Variants in ATP9A observed in about 807,000 individuals in gnomAD.
ATP9A encodes the protein ATPase phospholipid transporting 9A.
A neutral mutation model predicts 144.1 loss-of-function variants in ATP9A; 52 were observed. The observed-to-expected ratio is 0.36, with a 90% CI of 0.29 to 0.45. The LOEUF is 0.45. Among genes scored for constraint, ATP9A ranks in the 20% least tolerant of loss-of-function variants. ATP9A has a pLI of 1.00. For missense variants in ATP9A, 947 were observed against 1,392.7 expected (o/e 0.68, Z 5.09); for synonymous variants, 582 against 557.4 (o/e 1.04, Z -0.62).
At chr20:51,721,499 T>C (rs1288713037) in intron 3 of ATP9A, among the ~76,000 whole-genome samples, 3 of 151,998 alleles carry the variant, frequency 2.0e-5, no homozygotes, top group Non-Finnish European at 4.4e-5. Flanking sequence ...CTTCACAGAA[T>C]TAGAAAAAAC....
At chr20:51,647,686 C>T (rs2077347458) in intron 14 of ATP9A, among the ~76,000 whole-genome samples, 1 of 152,026 alleles carries the variant, frequency 6.6e-6, no homozygotes. Flanking sequence ...GCCAAGATTG[C>T]ACCTTTGCAC....
intron 17 of ATP9A, among the ~76,000 whole-genome samples, chr20:51,626,319 T>C (rs1357494370): frequency 1.3e-5 from 2 of 151,706 alleles, no homozygotes; most frequent in African/African-American, 4.8e-5. Flanking sequence ...CAAAACCGTG[T>C]CTCTACTAAA....
chr20:51,650,715 T>C (rs1468804970), intron 14 of ATP9A, among the ~76,000 whole-genome samples: 1 of 152,080 alleles, frequency 6.6e-6, no homozygotes, highest in Non-Finnish European at 1.5e-5. Flanking sequence ...TCTCACTCTG[T>C]GCCATGAGCA....
intron 10 of ATP9A, among the ~76,000 whole-genome samples, 166 bp from the exon 11 acceptor site, chr20:51,674,479 G>A (rs2077468967): frequency 1.3e-5 from 2 of 152,146 alleles, no homozygotes; most frequent in African/African-American, 4.8e-5. Context: ...GTAGGACAGT[G>A]GGATCCATCG....
intron 16 of ATP9A, among the ~76,000 whole-genome samples, chr20:51,628,525 T>C (rs2077258714): frequency 6.6e-6 from 1 of 152,222 alleles, no homozygotes. Flanking sequence ...TCACCTGCTC[T>C]CTTTGTTGAA....
intron 3 of ATP9A, among the ~76,000 whole-genome samples, chr20:51,721,285 G>A (rs567398279): frequency 5.3e-5 from 8 of 152,284 alleles, no homozygotes; most frequent in Middle Eastern, 6.8e-3. Flanking sequence ...TCTTTAAGGA[G>A]AGCCTAAATC....
intron 1 of ATP9A, among the ~76,000 whole-genome samples, chr20:51,754,836 G>A (rs6123079): frequency 0.19 from 28,573 of 149,724 alleles, 2,773 homozygotes; most frequent in East Asian, 0.37. Context: ...TAAATAAGCC[G>A]GGCATGGTGG....
intron 4 of ATP9A, among the ~76,000 whole-genome samples, chr20:51,698,264 C>A (rs2077578781): frequency 6.6e-6 from 1 of 152,222 alleles, no homozygotes; most frequent in Non-Finnish European, 1.5e-5. Flanking sequence ...TGGCTCACAT[C>A]TGTAGTCCCA....
At chr20:51,638,892 C>A (rs543224568) in intron 15 of ATP9A, among the ~76,000 whole-genome samples, 189 of 152,166 alleles carry the variant, frequency 1.2e-3, no homozygotes, top group African/African-American at 4.5e-3. Flanking sequence ...AATTTTTTAA[C>A]GTGCCCGGCC....
chr20:51,736,859 G>C (rs997335620), intron 1 of ATP9A, among the ~76,000 whole-genome samples: 3 of 152,098 alleles, frequency 2.0e-5, no homozygotes, highest in East Asian at 3.9e-4. Flanking sequence ...CCAGACTAAG[G>C]GGGGTGGCAG....
At chr20:51,631,410 C>T (rs75808516) in intron 15 of ATP9A, among the ~76,000 whole-genome samples, 5,291 of 152,008 alleles carry the variant, frequency 0.035, 113 homozygotes, top group Non-Finnish European at 0.053. Context: ...TTTTTCCTTC[C>T]CCCCGACAAC....
At chr20:51,609,992 T>TC in intron 24 of ATP9A, 109 bp downstream of exon 24, 1 of 923,058 alleles carries the variant, frequency 1.1e-6, no homozygotes, top group Non-Finnish European at 1.7e-6. Context: ...GGGCTGGGAA[T>TC]CCAATGTGGC....
intron 22 of ATP9A, 143 bp from the exon 23 acceptor site, chr20:51,613,975 T>C: frequency 1.2e-6 from 1 of 808,892 alleles, no homozygotes; most frequent in Non-Finnish European, 1.9e-6. Context: ...CTATATGCAG[T>C]TGGTGGTCCA....
chr20:51,689,114 T>C lies in ATP9A; in HGVS notation c.749A>G (p.Glu250Gly). The C allele has an allele frequency of 6.2e-7, 1 of 1,614,084 alleles. No homozygotes were observed. The highest frequency in any genetic ancestry group is 8.5e-7 in the Non-Finnish European group (1 of 1,180,006). Residue 250 changes from glutamate (E) to glycine (G), a missense_variant, in exon 9 of 28, where the codon GAG becomes GGG. By Grantham distance (98) the Glu-to-Gly change is moderately conservative. Coordinates refer to ENST00000338821, the MANE Select transcript of ATP9A (RefSeq NM_006045.3). ...CAGCGTGTTCTCTATGCTCAGGCTC[T>C]CGCTGATCGGGGGGTCGCTGTCTTC... ...TREDSDPPIS[E>G]SLSIENTLWA...
intron 13 of ATP9A, among the ~76,000 whole-genome samples, chr20:51,660,383 T>G (rs1387318734): frequency 1.3e-5 from 2 of 152,216 alleles, no homozygotes; most frequent in Non-Finnish European, 2.9e-5. Flanking sequence ...GATTTTGTAT[T>G]CCAGGTGAAA....
chr20:51,605,688 G>A (rs141798943), intron 26 of ATP9A, among the ~76,000 whole-genome samples: 141 of 152,080 alleles, frequency 9.3e-4, no homozygotes, highest in Non-Finnish European at 1.6e-3. Flanking sequence ...TGAGGCGGGC[G>A]GATCACTGGA....
chr20:51,758,765 A>G (rs2077866914), intron 1 of ATP9A, among the ~76,000 whole-genome samples: 1 of 152,120 alleles, frequency 6.6e-6, no homozygotes, highest in Non-Finnish European at 1.5e-5. Flanking sequence ...TCTCTACTAA[A>G]AATACAAAAA....
At chr20:51,605,790 G>A (rs4270402) in intron 26 of ATP9A, among the ~76,000 whole-genome samples, 75,039 of 151,118 alleles carry the variant, frequency 0.5, 19,074 homozygotes, top group African/African-American at 0.62. Context: ...GCGCATGCCT[G>A]TAGTCCCAGC....
chr20:51,718,870 C>T (rs2122858530), intron 3 of ATP9A, among the ~76,000 whole-genome samples: 1 of 139,950 alleles, frequency 7.1e-6, no homozygotes, highest in African/African-American at 2.7e-5. Flanking sequence ...TAGCTCATAC[C>T]TGTAATCCCA....
Sources: gnomAD v4.1 joint callset for allele counts (sites outside exome capture counted in the v4.1 genomes callset) on GRCh38, gnomAD v4.1.1 for gene constraint, MANE v1.5 for transcripts, NCBI Gene and HGNC (gene_info 2026-07-23, HGNC 2026-07-21) for gene names.